TSHZ2: variants seen among roughly 807,000 people sequenced by gnomAD.
The protein encoded by TSHZ2 is teashirt homolog 2.
TSHZ2 carries 21 observed loss-of-function variants against 74.4 expected under a neutral mutation model. The observed-to-expected ratio is 0.28, with a 90% CI of 0.20 to 0.41. The LOEUF (loss-of-function observed/expected upper bound fraction) is 0.41, where lower values mean the gene tolerates loss of function less well. Among genes scored for constraint, TSHZ2 ranks in the 10% least tolerant of loss-of-function variants. The probability of loss-of-function intolerance (pLI) is 1.00; values close to 1 mark genes in which losing one functional copy is unlikely to be tolerated. For synonymous variants in TSHZ2, 540 were observed against 515.3 expected (o/e 1.05, Z -0.65); for missense variants, 1,244 against 1,293.5 (o/e 0.96, Z 0.59).
At chr20:53,157,947 A>G (rs1987835762) in intron 1 of TSHZ2, among the ~76,000 whole-genome samples, 1 of 151,988 alleles carries the variant, frequency 6.6e-6, no homozygotes, top group South Asian at 2.1e-4. Flanking sequence ...AAACCAATGA[A>G]TTTCAGGTAG....
chr20:53,169,862 T>C (rs1988153397), intron 1 of TSHZ2, among the ~76,000 whole-genome samples: 1 of 152,232 alleles, frequency 6.6e-6, no homozygotes, highest in South Asian at 2.1e-4. Flanking sequence ...TGTAAAGGTA[T>C]TTATACACAG....
At chr20:53,272,559 C>T (rs966662323) in intron 2 of TSHZ2, among the ~76,000 whole-genome samples, 75 of 152,188 alleles carry the variant, frequency 4.9e-4, no homozygotes, top group Non-Finnish European at 5.1e-4. Flanking sequence ...ATAATACTTA[C>T]GTCTCTCATC....
chr20:53,129,135 CA>C (rs563553899), intron 1 of TSHZ2, among the ~76,000 whole-genome samples: 11 of 152,008 alleles, frequency 7.2e-5, no homozygotes, highest in Non-Finnish European at 1.5e-4. Context: ...TTAGAAACAA[CA>C]ACAATATCCA....
At chr20:53,295,552 T>A (rs1182555454) in intron 2 of TSHZ2, among the ~76,000 whole-genome samples, 10 of 152,220 alleles carry the variant, frequency 6.6e-5, no homozygotes, top group Non-Finnish European at 1.5e-4. Flanking sequence ...TTTTGCCATA[T>A]CTGCAAACCC....
intron 2 of TSHZ2, among the ~76,000 whole-genome samples, chr20:53,346,828 C>T (rs1233109482): frequency 3.3e-5 from 5 of 152,194 alleles, no homozygotes; most frequent in Non-Finnish European, 7.3e-5. Context: ...CTTATGGAAG[C>T]GTCTGTGGAA....
intron 2 of TSHZ2, among the ~76,000 whole-genome samples, chr20:53,377,789 GC>G (rs1461493931): frequency 6.6e-6 from 1 of 152,162 alleles, no homozygotes; most frequent in East Asian, 1.9e-4. Context: ...CTTGAGCTCA[GC>G]AGGTCGAGGC....
intron 2 of TSHZ2, among the ~76,000 whole-genome samples, chr20:53,359,098 C>T (rs121646): frequency 0.55 from 83,962 of 151,904 alleles, 24,010 homozygotes; most frequent in African/African-American, 0.64. Context: ...TCTGTAAGTA[C>T]TATTTTTTTG....
chr20:53,142,583 G>T (rs1034498357), intron 1 of TSHZ2, among the ~76,000 whole-genome samples: 1 of 152,222 alleles, frequency 6.6e-6, no homozygotes, highest in African/African-American at 2.4e-5. Flanking sequence ...ACCTGAACCA[G>T]TCAGCACACA....
intron 1 of TSHZ2, among the ~76,000 whole-genome samples, chr20:53,009,257 G>A (rs188708875): frequency 2.7e-3 from 413 of 152,246 alleles, no homozygotes; most frequent in Non-Finnish European, 5.0e-3. Flanking sequence ...AGAATCGGTT[G>A]AATCAGGGAG....
intron 1 of TSHZ2, among the ~76,000 whole-genome samples, chr20:53,088,316 C>G (rs564613285): frequency 3.3e-5 from 5 of 152,262 alleles, no homozygotes; most frequent in African/African-American, 1.2e-4. Flanking sequence ...AATTTATAGT[C>G]TACTGGAGTT....
intron 1 of TSHZ2, among the ~76,000 whole-genome samples, chr20:53,236,702 G>T (rs1268713773): frequency 6.6e-6 from 1 of 152,214 alleles, no homozygotes; most frequent in African/African-American, 2.4e-5. Context: ...AAGGAAAGAG[G>T]TTTAATTGAC....
Position 53,487,731 on chromosome 20 carries a change from T to G in TSHZ2, c.*596T>G, listed in dbSNP as rs1986330541. 1 of 152,198 alleles carries G rather than the reference T, an allele frequency of 6.6e-6. No individual in the cohort carries two copies. Among genetic ancestry groups the G allele is most frequent in the Admixed American group, 6.6e-5 (1 of 15,250 alleles). The allele number at this position is 152,198 out of a possible 1,614,324, so 9.4% of individuals were successfully genotyped here. A position where few individuals can be genotyped will look rare whatever the true frequency, so the allele number is the denominator to read the frequency against. ...CCTGCACTAGGGGACCATTAATCAC[T>G]GCAAAGTAGAAGAATTATTAAGTTA... On this transcript the variant is annotated 3_prime_UTR_variant, in exon 3 of 3. Coordinates refer to ENST00000371497, the MANE Select transcript of TSHZ2 (RefSeq NM_173485.6).
At chr20:53,271,057 T>G (rs1990825583) in intron 2 of TSHZ2, among the ~76,000 whole-genome samples, 1 of 152,198 alleles carries the variant, frequency 6.6e-6, no homozygotes, top group South Asian at 2.1e-4. Context: ...AATCAGGACC[T>G]CGTCATCCCA....
chr20:53,238,586 C>T (rs936405958), intron 1 of TSHZ2, among the ~76,000 whole-genome samples: 23 of 152,018 alleles, frequency 1.5e-4, no homozygotes, highest in Non-Finnish European at 5.9e-5. Context: ...TTCATTTCAC[C>T]TCCCTGCTCC....
At chr20:53,162,895 A>T (rs1410423707) in intron 1 of TSHZ2, among the ~76,000 whole-genome samples, 2 of 152,252 alleles carry the variant, frequency 1.3e-5, no homozygotes, top group African/African-American at 4.8e-5. Context: ...AGTTATAAAT[A>T]TAACATCTAC....
intron 2 of TSHZ2, among the ~76,000 whole-genome samples, chr20:53,389,857 C>CA (rs1409207520): frequency 1.3e-5 from 2 of 152,338 alleles, no homozygotes; most frequent in Non-Finnish European, 2.9e-5. Flanking sequence ...TCCCCGACAA[C>CA]AAAGAATTGT....
intron 1 of TSHZ2, among the ~76,000 whole-genome samples, chr20:53,228,310 C>G (rs1385432564): frequency 1.3e-5 from 2 of 152,124 alleles, no homozygotes; most frequent in African/African-American, 4.8e-5. Flanking sequence ...CTTTTTCCAG[C>G]TAAAGTTGTT....
chr20:53,079,662 C>T (rs1226924292), intron 1 of TSHZ2, among the ~76,000 whole-genome samples: 1 of 152,120 alleles, frequency 6.6e-6, no homozygotes, highest in Admixed American at 6.5e-5. Flanking sequence ...TCAGCTGGCC[C>T]CACACTGGTA....
chr20:53,453,630 A>C (rs1381893595), intron 2 of TSHZ2, among the ~76,000 whole-genome samples: 1 of 152,212 alleles, frequency 6.6e-6, no homozygotes, highest in African/African-American at 2.4e-5. Flanking sequence ...GATAATGAAG[A>C]TTAACGTAGG....
Sources: allele counts gnomAD v4.1 joint callset (sites outside exome capture counted in the v4.1 genomes callset), GRCh38; gene constraint gnomAD v4.1.1; transcripts MANE v1.5; gene names NCBI Gene and HGNC (gene_info 2026-07-23, HGNC 2026-07-21).